Variants in KIF18A observed in about 807,000 individuals in gnomAD.
KIF18A encodes the protein kinesin-like protein KIF18A.
In KIF18A, 67 loss-of-function variants were observed where a neutral mutation model predicts 103.3. That is an observed-to-expected ratio of 0.65 (90% confidence interval 0.53 to 0.79). The LOEUF (loss-of-function observed/expected upper bound fraction) is 0.79, where lower values mean the gene tolerates loss of function less well. Among genes scored for constraint, KIF18A ranks in the 30% least tolerant of loss-of-function variants. The probability of loss-of-function intolerance (pLI) is 0.00; values close to 1 mark genes in which losing one functional copy is unlikely to be tolerated. For missense variants in KIF18A, 1,032 were observed against 1,062.5 expected, an observed-to-expected ratio of 0.97 and a Z score of 0.40; for synonymous variants, 367 against 355.5, an observed-to-expected ratio of 1.03 and a Z score of -0.36.
chr11:28,059,270 TC>T, intron 12 of KIF18A, 109 bp from the exon 13 acceptor site: 2 of 795,796 alleles, frequency 2.5e-6, no homozygotes, highest in African/African-American at 1.7e-5. Flanking sequence ...TAAAATAATT[TC>T]CCATGTATGA....
chr11:28,082,317 G>A (rs946012096), intron 9 of KIF18A, among the ~76,000 whole-genome samples: 1 of 152,054 alleles, frequency 6.6e-6, no homozygotes, highest in South Asian at 2.1e-4. Context: ...ATGAAAGGAC[G>A]AGTCAATCTA....
chr11:28,088,580 T>C lies in KIF18A; in HGVS notation c.841A>G (p.Ile281Val), dbSNP rs1272891154. 7.4e-6 allele frequency: 12 copies of C among 1,613,968 alleles called. No homozygotes were observed. The highest frequency in any genetic ancestry group is 2.7e-5 in the African/African-American group (2 of 74,930). ...KGTRFVEGTN[I>V]NRSLLALGNV... ...CCAAGAGCTAAAAGTGATCTATTAA[T>C]ATTTGTGCCTTCTACAAATCGGGTC... The change falls in exon 6 of 17, where the codon ATT (isoleucine) becomes GTT (valine). Residue 281 changes from isoleucine to valine, a missense_variant. Transcript: ENST00000263181.
chr11:28,044,284 G>A (rs1850600335), intron 13 of KIF18A, among the ~76,000 whole-genome samples: 1 of 151,756 alleles, frequency 6.6e-6, no homozygotes, highest in African/African-American at 2.4e-5. Context: ...CTGTAATACT[G>A]GTAGCCAGGC....
At chr11:28,066,658 T>C (rs930829515) in intron 11 of KIF18A, among the ~76,000 whole-genome samples, 2 of 151,588 alleles carry the variant, frequency 1.3e-5, no homozygotes, top group Admixed American at 6.6e-5. Flanking sequence ...TTAGGAAATA[T>C]GCAAAATTGT....
chr11:28,100,453 A>C (rs985073269), intron 1 of KIF18A, among the ~76,000 whole-genome samples: 1 of 151,792 alleles, frequency 6.6e-6, no homozygotes, highest in South Asian at 2.1e-4. Context: ...GCCATCGAGA[A>C]AAGCAATTTT....
At chr11:28,098,118 G>A in intron 1 of KIF18A, 125 bp from the exon 2 acceptor site, 2 of 539,676 alleles carry the variant, frequency 3.7e-6, no homozygotes, top group South Asian at 2.8e-5. Context: ...TAAACACTGG[G>A]GGAAAAATAC....
chr11:28,045,434 C>T (rs970780479), intron 13 of KIF18A, among the ~76,000 whole-genome samples: 1 of 151,324 alleles, frequency 6.6e-6, no homozygotes, highest in Admixed American at 6.6e-5. Context: ...TGTCTGTTTC[C>T]CTAAAATTAG....
intron 1 of KIF18A, among the ~76,000 whole-genome samples, chr11:28,101,913 C>T (rs1051412729): frequency 1.3e-5 from 2 of 152,088 alleles, no homozygotes; most frequent in African/African-American, 2.4e-5. Context: ...TGGGGAGTCA[C>T]GCCCTATAAA....
intron 15 of KIF18A, among the ~76,000 whole-genome samples, chr11:28,024,207 A>C (rs1850284130): frequency 6.6e-6 from 1 of 151,392 alleles, no homozygotes; most frequent in South Asian, 2.1e-4. Context: ...AAAAAAAAAA[A>C]AAAACTAAGC....
At chr11:28,040,229 G>A (rs1210696275) in intron 13 of KIF18A, among the ~76,000 whole-genome samples, 2 of 151,688 alleles carry the variant, frequency 1.3e-5, no homozygotes, top group African/African-American at 2.4e-5. Context: ...TATGGCAAGT[G>A]GAGAGTGTTG....
intron 15 of KIF18A, among the ~76,000 whole-genome samples, chr11:28,026,752 C>G (rs1850326993): frequency 6.6e-6 from 1 of 151,664 alleles, no homozygotes; most frequent in African/African-American, 2.4e-5. Context: ...AACATACTAC[C>G]AGTGAAGGAC....
intron 12 of KIF18A, 114 bp from the exon 13 acceptor site, chr11:28,059,275 T>C (rs1233833399): frequency 1.2e-5 from 9 of 763,222 alleles, no homozygotes; most frequent in South Asian, 5.3e-5. Flanking sequence ...TAATTTCCCA[T>C]GTATGAACTG....
intron 15 of KIF18A, among the ~76,000 whole-genome samples, chr11:28,028,076 T>A (rs2354427): frequency 0.29 from 44,187 of 151,870 alleles, 7,277 homozygotes; most frequent in African/African-American, 0.44. Flanking sequence ...ATTGTATCAA[T>A]AGAATGAAGA....
rs755092352 is a variant in KIF18A at position 28,062,501 on chromosome 11, G to T, written c.1606C>A (p.Leu536Ile). 1.9e-6 allele frequency: 3 copies of T among 1,610,568 alleles called. No individual in the cohort carries two copies. Among genetic ancestry groups the T allele is most frequent in the Non-Finnish European group, 2.5e-6 (3 of 1,177,978 alleles). Residue 536 changes from leucine to isoleucine, a missense_variant, in exon 12 of 17, where the codon CTT becomes ATT. Physicochemically the swap from Leu to Ile is conservative, Grantham distance 5. Coordinates refer to ENST00000263181, the MANE Select transcript of KIF18A (RefSeq NM_031217.4). The part of the protein sequence containing the change: ...GHIPKELKKD[L>I]HCHHLHLQNK... ...TGGAGGTGCAAATGGTGACAATGAA[G>T]ATCTTTCTTGAGTTCCTAGGGCAAA...
intron 13 of KIF18A, among the ~76,000 whole-genome samples, chr11:28,037,154 G>A (rs559838258): frequency 2.0e-5 from 3 of 151,522 alleles, no homozygotes; most frequent in Non-Finnish European, 4.4e-5. Context: ...TATACTGGGT[G>A]ATGCTAGGGT....
At position 28,037,768 on chromosome 11, in the gene KIF18A, G is replaced by A. The variant is rs935409670; in HGVS notation, c.1949-1104C>T. Among the ~76,000 whole-genome samples, 3 of 151,652 alleles carry A rather than the reference G, an allele frequency of 2.0e-5. No homozygotes were observed. In the East Asian group the frequency reaches 5.8e-4, roughly 30 times the overall value. ...GAAGTCAGTCTCCCAAATGTCAAGA[G>A]GTCACTAAGTCTGATGATCTTTCTC... On this transcript the variant is annotated intron_variant, in intron 13 of 16. Coordinates refer to ENST00000263181, the MANE Select transcript of KIF18A (RefSeq NM_031217.4).
intron 1 of KIF18A, among the ~76,000 whole-genome samples, chr11:28,104,065 G>A (rs1851476648): frequency 6.6e-6 from 1 of 152,172 alleles, no homozygotes; most frequent in African/African-American, 2.4e-5. Flanking sequence ...AATAAGCCAA[G>A]TTGAACAGGT....
At chr11:28,093,122 A>T (rs1851325413) in intron 3 of KIF18A, among the ~76,000 whole-genome samples, 1 of 152,212 alleles carries the variant, frequency 6.6e-6, no homozygotes, top group African/African-American at 2.4e-5. Flanking sequence ...CTTATCATTA[A>T]TAATATGAAA....
chr11:28,062,342 T>C, intron 12 of KIF18A, 53 bp downstream of exon 12: 7 of 1,485,266 alleles, frequency 4.7e-6, no homozygotes, highest in Non-Finnish European at 6.3e-6. Context: ...ATTGAACTTC[T>C]GTGCTTCAGA....
Sources: allele counts gnomAD v4.1 joint callset (sites outside exome capture counted in the v4.1 genomes callset), GRCh38; gene constraint gnomAD v4.1.1; transcripts MANE v1.5; gene names NCBI Gene and HGNC (gene_info 2026-07-23, HGNC 2026-07-21).